Variants in COL11A1 observed in about 807,000 individuals in gnomAD.
COL11A1 encodes the protein collagen alpha-1(XI) chain.
In COL11A1, 74 loss-of-function variants were observed where a neutral mutation model predicts 265.2. That is an observed-to-expected ratio of 0.28 (90% CI 0.23 to 0.34). The LOEUF (loss-of-function observed/expected upper bound fraction) is 0.34, where lower values mean the gene tolerates loss of function less well. COL11A1 is among the 10% of genes least tolerant of loss of function. The pLI is 1.00. For missense variants in COL11A1, 2,165 were observed against 2,263.6 expected (o/e 0.96, Z 0.88); for synonymous variants, 816 against 727.6 (o/e 1.12, Z -1.96).
At chr1:102,908,142 C>T (rs956679520) in intron 54 of COL11A1, among the ~76,000 whole-genome samples, 1 of 152,080 alleles carries the variant, frequency 6.6e-6, no homozygotes, top group Non-Finnish European at 1.5e-5. Context: ...CTGGTACACA[C>T]TTTCCTGATT....
intron 46 of COL11A1, among the ~76,000 whole-genome samples, chr1:102,929,502 G>A (rs1657106074): frequency 6.6e-6 from 1 of 152,082 alleles, no homozygotes; most frequent in African/African-American, 2.4e-5. Context: ...TAGCCTTGTA[G>A]TATAGTTTGA....
At chr1:102,881,166 C>G (rs960355066) in intron 65 of COL11A1, among the ~76,000 whole-genome samples, 2 of 151,926 alleles carry the variant, frequency 1.3e-5, no homozygotes, top group African/African-American at 4.8e-5. Context: ...TATGATTAAA[C>G]ACCTTTTAAA....
intron 1 of COL11A1, among the ~76,000 whole-genome samples, 158 bp from the exon 2 acceptor site, chr1:103,083,130 CAGCAGGT>C (rs1672549391): frequency 6.6e-6 from 1 of 151,972 alleles, no homozygotes; most frequent in African/African-American, 2.4e-5. Context: ...GAGAGTGGGG[CAGCAGGT>C]AGTAATATAA....
chr1:103,072,337 C>A (rs1318509285), intron 4 of COL11A1, among the ~76,000 whole-genome samples: 1 of 151,798 alleles, frequency 6.6e-6, no homozygotes, highest in Non-Finnish European at 1.5e-5. Context: ...ATTACATATA[C>A]CAAACAAATC....
At chr1:103,065,503 G>A (rs1418753443) in intron 4 of COL11A1, among the ~76,000 whole-genome samples, 2 of 105,700 alleles carry the variant, frequency 1.9e-5, no homozygotes, top group East Asian at 6.5e-4. Flanking sequence ...CTGGGCGACA[G>A]AAGAGCGAGA....
chr1:102,982,220 A>C (rs1309577315), intron 31 of COL11A1, among the ~76,000 whole-genome samples: 1 of 152,040 alleles, frequency 6.6e-6, no homozygotes. Context: ...CTAGGAGGAA[A>C]CATTTCTGTT....
chr1:103,029,203 A>G (rs1193109142), intron 5 of COL11A1, among the ~76,000 whole-genome samples: 1 of 152,080 alleles, frequency 6.6e-6, no homozygotes, highest in African/African-American at 2.4e-5. Context: ...AAATAAATTG[A>G]CATATTTATT....
At chr1:102,925,080 A>G (rs2101099380) in intron 46 of COL11A1, among the ~76,000 whole-genome samples, 1 of 152,228 alleles carries the variant, frequency 6.6e-6, no homozygotes, top group South Asian at 2.1e-4. Flanking sequence ...TAAAAATACA[A>G]TGTAAAAGCT....
At chr1:102,894,067 AAT>A (rs1241329337) in intron 57 of COL11A1, among the ~76,000 whole-genome samples, 2 of 152,136 alleles carry the variant, frequency 1.3e-5, no homozygotes, top group East Asian at 1.9e-4. Flanking sequence ...CATTAAAACA[AAT>A]AGAGTCTTAA....
intron 28 of COL11A1, among the ~76,000 whole-genome samples, chr1:102,994,191 A>T (rs954832491): frequency 1.3e-5 from 2 of 152,122 alleles, no homozygotes; most frequent in South Asian, 4.1e-4. Context: ...AAAATAAATG[A>T]CTGTCCTTGA....
At chr1:102,887,992 G>A (rs1651220069) in intron 62 of COL11A1, among the ~76,000 whole-genome samples, 1 of 152,100 alleles carries the variant, frequency 6.6e-6, no homozygotes, top group Non-Finnish European at 1.5e-5. Context: ...ATACATTTTT[G>A]TGGTTTGAGC....
chr1:103,101,406 A>C (rs1674260242), intron 1 of COL11A1, among the ~76,000 whole-genome samples: 6 of 152,044 alleles, frequency 3.9e-5, no homozygotes, highest in Admixed American at 3.9e-4. Flanking sequence ...TTCAATATTT[A>C]CATTTTTTTC....
At chr1:103,092,385 T>C (rs1341185924) in intron 1 of COL11A1, among the ~76,000 whole-genome samples, 1 of 152,104 alleles carries the variant, frequency 6.6e-6, no homozygotes, top group South Asian at 2.1e-4. Flanking sequence ...TATATGTAGA[T>C]ACAAGTCTTT....
intron 6 of COL11A1, chr1:103,025,990 A>C (rs367819804): frequency 1.1e-4 from 182 of 1,586,894 alleles, no homozygotes; most frequent in Non-Finnish European, 1.5e-4. Flanking sequence ...GAAAACATAA[A>C]TAAACGAGGA....
chr1:102,929,586 G>A (rs906177035), intron 46 of COL11A1, among the ~76,000 whole-genome samples: 1 of 151,770 alleles, frequency 6.6e-6, no homozygotes, highest in Admixed American at 6.6e-5. Flanking sequence ...CTCTTTTTTG[G>A]TTCCATATGA....
rs1369668557 is a variant in COL11A1 at position 103,074,598 on chromosome 1, A to G, written c.651+20T>C. On this transcript the variant is annotated intron_variant, in intron 4 of 66. Coordinates refer to ENST00000370096, the MANE Select transcript of COL11A1 (RefSeq NM_001854.4). ...CATCTGATTTGTCAATATTCAGCTT[A>G]GAGTTGGATTTATTTTTACCTCAAA... 1 of 1,611,746 alleles carries G rather than the reference A, an allele frequency of 6.2e-7. No individual in the cohort carries two copies. The highest frequency in any genetic ancestry group is 8.5e-7 in the Non-Finnish European group (1 of 1,178,662).
intron 45 of COL11A1, among the ~76,000 whole-genome samples, 183 bp from the exon 46 acceptor site, chr1:102,934,739 G>C (rs1466629760): frequency 6.6e-6 from 1 of 152,100 alleles, no homozygotes; most frequent in African/African-American, 2.4e-5. Flanking sequence ...TATTTTCTTT[G>C]CTTCTGGATC....
chr1:102,941,517 T>C (rs1336633173), intron 42 of COL11A1, among the ~76,000 whole-genome samples: 2 of 152,212 alleles, frequency 1.3e-5, no homozygotes, highest in Non-Finnish European at 2.9e-5. Flanking sequence ...TAGCCTCCCC[T>C]AACCCTTGCT....
chr1:102,898,881 T>C (rs1419877915), intron 55 of COL11A1, 60 bp downstream of exon 55: 2 of 1,222,854 alleles, frequency 1.6e-6, no homozygotes, highest in Non-Finnish European at 2.3e-6. Context: ...AATTTTCAAA[T>C]ATAATACCTT....
Sources: gnomAD v4.1 joint callset for allele counts (sites outside exome capture counted in the v4.1 genomes callset) on GRCh38, gnomAD v4.1.1 for gene constraint, MANE v1.5 for transcripts, NCBI Gene and HGNC (gene_info 2026-07-23, HGNC 2026-07-21) for gene names.